The following NEB variants were observed in gnomAD, a reference collection of about 807,000 sequenced individuals.
The protein encoded by NEB is nebulin.
NEB carries 512 observed loss-of-function variants against 952.2 expected under a neutral mutation model. The observed-to-expected ratio is 0.54, with a 90% CI of 0.50 to 0.58. The LOEUF is 0.58. Among genes scored for constraint, NEB ranks in the 20% least tolerant of loss-of-function variants. The probability of loss-of-function intolerance (pLI) is 0.00; values close to 1 mark genes in which losing one functional copy is unlikely to be tolerated. For synonymous variants in NEB, 2,900 were observed against 3,149.8 expected (o/e 0.92, Z 2.66); for missense variants, 8,428 against 9,231.1 (o/e 0.91, Z 3.56).
In NEB at chr2:151,642,808, G is replaced by A; in HGVS notation, c.8222C>T (p.Pro2741Leu). Residue 2741 changes from proline (P) to leucine (L), a missense_variant, in exon 59 of 182, where the codon CCT (proline) becomes CTT (leucine). Coordinates refer to ENST00000397345, the MANE Select transcript of NEB (RefSeq NM_001164508.2). ...GTTTTGTTTAGCTAATAAAACTTCA[G>A]GGGTATCTGGCATAATGTGGACAGT... ...KTTVHIMPDT[P>L]EVLLAKQNKV... 2 of 1,613,034 alleles carry A rather than the reference G, an allele frequency of 1.2e-6. No homozygotes were observed. The highest frequency in any genetic ancestry group is 2.2e-5 in the South Asian group (2 of 90,886).
intron 179 of NEB, chr2:151,491,407 C>T (rs2056529688): frequency 1.3e-5 from 4 of 304,986 alleles, no homozygotes; most frequent in African/African-American, 2.2e-5. Context: ...ATTATTTCTC[C>T]AATAGAATTA....
chr2:151,629,778 G>A, intron 67 of NEB, 132 bp from the exon 68 acceptor site: 2 of 669,910 alleles, frequency 3.0e-6, no homozygotes, highest in Admixed American at 2.7e-5. Context: ...GGCAATAGTG[G>A]AAAGCAAATA....
At chr2:151,680,862 T>C in intron 29 of NEB, 34 bp from the exon 30 acceptor site, 2 of 1,467,590 alleles carry the variant, frequency 1.4e-6, no homozygotes, top group African/African-American at 2.8e-5. Flanking sequence ...AAAACAATCT[T>C]GTTTTCCACT....
Position 151,506,897 on chromosome 2 carries a change from T to C in NEB, c.23556+12A>G, listed in dbSNP as rs1269229468. ...AGGTTAGCATTAAATGCAAAATAAA[T>C]AGTAAATATACCGAGCTGAAATTCT... On this transcript the variant is annotated intron_variant, in intron 163 of 181. Transcript: ENST00000397345. 1.3e-6 allele frequency: 2 copies of C among 1,542,188 alleles called. No homozygotes were observed. Among genetic ancestry groups the C allele is most frequent in the African/African-American group, 1.4e-5 (1 of 73,250 alleles).
chr2:151,621,069 C>A, intron 71 of NEB, 43 bp from the exon 72 acceptor site: 1 of 1,474,536 alleles, frequency 6.8e-7, no homozygotes, highest in Non-Finnish European at 9.3e-7. Flanking sequence ...AATTCACATT[C>A]ACTCGAAAAG....
At position 151,691,356 on chromosome 2, in the gene NEB, A is replaced by G. The variant is rs140346451; in HGVS notation, c.2211+508T>C. On this transcript the variant is annotated intron_variant, in intron 23 of 181. Transcript: ENST00000397345. ...ACCACCCAACCTAAGACGCCCATCC[A>G]GTCACTGTCTCACACATTGTCCTAT... Among the ~76,000 whole-genome samples, 185 of 152,310 alleles carry G rather than the reference A, an allele frequency of 1.2e-3. 2 individuals carry two copies. Among genetic ancestry groups the G allele is most frequent in the African/African-American group, 3.9e-3 (164 of 41,560 alleles).
intron 3 of NEB, 106 bp from the exon 4 acceptor site, chr2:151,729,762 G>C (rs903586480): frequency 1.7e-5 from 20 of 1,181,268 alleles, no homozygotes; most frequent in Non-Finnish European, 2.3e-5. Context: ...GGTTGATTTG[G>C]AATGTCTGTG....
chr2:151,611,859 G>A (rs902239777), intron 78 of NEB, among the ~76,000 whole-genome samples: 10 of 152,196 alleles, frequency 6.6e-5, no homozygotes, highest in South Asian at 4.1e-4. Context: ...CTAAAGACAC[G>A]TAAGTGGCCT....
intron 38 of NEB, among the ~76,000 whole-genome samples, chr2:151,669,776 A>G (rs1442622394): frequency 6.6e-6 from 1 of 152,204 alleles, no homozygotes; most frequent in Admixed American, 6.5e-5. Flanking sequence ...GGTTTTACAC[A>G]TAAGAGGGAC....
At chr2:151,570,649 T>G in intron 107 of NEB, 48 bp from the exon 108 acceptor site, 5 of 1,496,966 alleles carry the variant, frequency 3.3e-6, no homozygotes, top group Non-Finnish European at 4.6e-6. Flanking sequence ...AATTTGCCAA[T>G]ACCTTCAATG....
Position 151,630,838 on chromosome 2 carries a change from T to C in NEB, c.9619-19A>G, listed in dbSNP as rs2098653080. 1.9e-6 allele frequency: 3 copies of C among 1,542,208 alleles called. No individual in the cohort carries two copies. Among genetic ancestry groups the C allele is most frequent in the Admixed American group, 4.0e-5 (2 of 50,010 alleles). On this transcript the variant is annotated intron_variant, in intron 66 of 181. Coordinates refer to ENST00000397345, the MANE Select transcript of NEB (RefSeq NM_001164508.2). Reference sequence around the variant, plus strand: ...ATAAACGCTATAAAAGAAGATAAGATGCTGATTAAAAATCATTTGAAATAG... The same window carrying C: ...ATAAACGCTATAAAAGAAGATAAGACGCTGATTAAAAATCATTTGAAATAG...
Position 151,664,226 on chromosome 2 carries a change from C to T in NEB, c.5451+275G>A, listed in dbSNP as rs7584016. Among the ~76,000 whole-genome samples, 289 of 152,296 alleles carry T rather than the reference C, an allele frequency of 1.9e-3. 2 individuals are homozygous for T. The East Asian group carries it at 0.03, about 16-fold the overall frequency. ...TGGCCATGGGCCTCCTGGTAAAACACGTAGATTGCATCTTTACATTTGCTT... is the reference window on the plus strand; with the variant it reads ...TGGCCATGGGCCTCCTGGTAAAACATGTAGATTGCATCTTTACATTTGCTT... On this transcript the variant is annotated intron_variant, in intron 44 of 181. Transcript: ENST00000397345.
rs1177935138 is a variant in NEB, at chr2:151,630,064, T to G, written c.9724-418A>C. On this transcript the variant is annotated intron_variant, in intron 67 of 181. Transcript: ENST00000397345. ...CGTATAAAAATATATTTTTATTCAT[T>G]TTTATTACCTACAATTTGTATGACA... Among the ~76,000 whole-genome samples the G allele has an allele frequency of 2.0e-5, 3 of 152,126 alleles. No homozygotes were observed. In the East Asian group the frequency reaches 5.8e-4, roughly 29 times the overall value.
At chr2:151,494,322 G>T in intron 173 of NEB, 69 bp from the exon 174 acceptor site, 1 of 1,064,128 alleles carries the variant, frequency 9.4e-7, no homozygotes, top group Non-Finnish European at 1.4e-6. Context: ...AAAGGAAATG[G>T]TACAGATAAC....
chr2:151,532,297 A>C (rs2091713554), intron 143 of NEB: 1 of 159,852 alleles, frequency 6.3e-6, no homozygotes, highest in Non-Finnish European at 1.4e-5. Context: ...GCACATTTAG[A>C]CCAAATCTCA....
chr2:151,664,712 T>C, intron 43 of NEB, 47 bp downstream of exon 43: 1 of 1,542,490 alleles, frequency 6.5e-7, no homozygotes, highest in Non-Finnish European at 8.9e-7. Context: ...TAAGTATCAG[T>C]TCCCTTTAAC....
chr2:151,663,960 G>C, intron 44 of NEB, 101 bp from the exon 45 acceptor site: 2 of 1,236,066 alleles, frequency 1.6e-6, no homozygotes, highest in Non-Finnish European at 2.2e-6. Context: ...GGGTTTTAGA[G>C]CTACTCTAAA....
chr2:151,549,688 C>T lies in NEB; in HGVS notation c.19997G>A (p.Gly6666Asp). ...RTLPTGYRLP[G>D]DTPHFKHIKD... ...GATGTGTTTGAAGTGAGGAGTGTCACCTGGAAGTCTATATCCAGTGGGCAG... is the reference window on the plus strand; with the variant it reads ...GATGTGTTTGAAGTGAGGAGTGTCATCTGGAAGTCTATATCCAGTGGGCAG... Residue 6666 changes from glycine to aspartate, a missense_variant, in exon 130 of 182, where the codon GGT becomes GAT. Physicochemically the swap from Gly to Asp is moderately conservative, Grantham distance 94. Around this residue, in one of 11 missense-constraint regions of NEB, gnomAD observed 3,374 missense variants for 3,651.5 expected, o/e 0.92. Coordinates refer to ENST00000397345, the MANE Select transcript of NEB (RefSeq NM_001164508.2). 6.2e-7 allele frequency: 1 copy of T among 1,601,212 alleles called. No homozygotes were observed. The highest frequency in any genetic ancestry group is 8.5e-7 in the Non-Finnish European group (1 of 1,173,480).
chr2:151,612,551 TA>T (rs2098024636), intron 77 of NEB, among the ~76,000 whole-genome samples, 162 bp from the exon 78 acceptor site: 1 of 152,254 alleles, frequency 6.6e-6, no homozygotes, highest in African/African-American at 2.4e-5. Flanking sequence ...AATGGCTAGT[TA>T]AATGCCTGGC....
Sources: gnomAD v4.1 joint callset for allele counts (sites outside exome capture counted in the v4.1 genomes callset) on GRCh38, gnomAD v4.1.1 for gene constraint, gnomAD v4.1.1 regional missense constraint, MANE v1.5 for transcripts, NCBI Gene and HGNC (gene_info 2026-07-23, HGNC 2026-07-21) for gene names.